Variants in PPFIA2 observed in about 807,000 individuals in gnomAD.
The protein encoded by PPFIA2 is liprin-alpha-2.
PPFIA2 carries 46 observed loss-of-function variants against 175.5 expected under a neutral mutation model. The observed-to-expected ratio is 0.26, with a 90% CI of 0.21 to 0.34. The LOEUF is 0.34. Among genes scored for constraint, PPFIA2 ranks in the 10% least tolerant of loss-of-function variants. The probability of loss-of-function intolerance (pLI) is 1.00; values close to 1 mark genes in which losing one functional copy is unlikely to be tolerated. For synonymous variants in PPFIA2, 568 were observed against 511.4 expected (o/e 1.11, Z -1.49); for missense variants, 1,179 against 1,506.1 (o/e 0.78, Z 3.60).
At chr12:81,636,555 G>A (rs1422412003) in intron 4 of PPFIA2, among the ~76,000 whole-genome samples, 2 of 148,640 alleles carry the variant, frequency 1.3e-5, no homozygotes, top group East Asian at 4.1e-4. Context: ...GTGAGCCACC[G>A]CGCCCGGCCA....
chr12:81,699,296 T>C (rs2076235293), intron 3 of PPFIA2, among the ~76,000 whole-genome samples: 2 of 152,002 alleles, frequency 1.3e-5, no homozygotes, highest in South Asian at 4.1e-4. Flanking sequence ...GACTTTACTC[T>C]GGTAAACATT....
chr12:81,321,140 A>T (rs1008680144), intron 22 of PPFIA2, among the ~76,000 whole-genome samples: 1 of 152,052 alleles, frequency 6.6e-6, no homozygotes, highest in African/African-American at 2.4e-5. Context: ...CATAACTAGA[A>T]GCAAGAAGAG....
chr12:81,714,530 C>T (rs1464036887), intron 3 of PPFIA2, among the ~76,000 whole-genome samples: 2 of 150,962 alleles, frequency 1.3e-5, no homozygotes, highest in Middle Eastern at 3.2e-3. Flanking sequence ...AATAAAACAT[C>T]TAGGGTTGCC....
intron 3 of PPFIA2, among the ~76,000 whole-genome samples, chr12:81,701,345 A>C (rs558352247): frequency 2.0e-5 from 3 of 152,302 alleles, no homozygotes; most frequent in African/African-American, 7.2e-5. Flanking sequence ...GGCTGGGGTC[A>C]AACTGATTCA....
At chr12:81,308,825 G>T (rs144241232) in intron 22 of PPFIA2, among the ~76,000 whole-genome samples, 224 of 152,178 alleles carry the variant, frequency 1.5e-3, no homozygotes, top group Non-Finnish European at 1.3e-3. Flanking sequence ...TAGTTTAAAT[G>T]AATGAGATAG....
intron 8 of PPFIA2, among the ~76,000 whole-genome samples, chr12:81,387,828 C>T (rs1156427976): frequency 6.6e-6 from 1 of 152,078 alleles, no homozygotes; most frequent in Non-Finnish European, 1.5e-5. Flanking sequence ...ATAAACTGGC[C>T]TTTCTGAGTT....
chr12:81,476,280 G>C (rs762795200), intron 4 of PPFIA2, among the ~76,000 whole-genome samples: 1 of 152,134 alleles, frequency 6.6e-6, no homozygotes, highest in Non-Finnish European at 1.5e-5. Flanking sequence ...GTTGCATTTA[G>C]TCTAGGTTTT....
intron 3 of PPFIA2, among the ~76,000 whole-genome samples, chr12:81,738,326 AC>A (rs1335014698): frequency 6.6e-6 from 1 of 151,948 alleles, no homozygotes; most frequent in Admixed American, 6.6e-5. Context: ...CAGAAAAATT[AC>A]TCATCTGCAG....
intron 18 of PPFIA2, among the ~76,000 whole-genome samples, chr12:81,345,762 T>C (rs879857219): frequency 4.6e-5 from 7 of 152,186 alleles, no homozygotes; most frequent in Non-Finnish European, 7.4e-5. Context: ...GCATATCTTA[T>C]ATAGGCAGAA....
intron 4 of PPFIA2, among the ~76,000 whole-genome samples, chr12:81,657,877 A>AC (rs921834136): frequency 1.3e-5 from 2 of 151,914 alleles, no homozygotes; most frequent in African/African-American, 2.4e-5. Context: ...AATAAAAATA[A>AC]CCCCCCCAAC....
rs573731413 is a variant in PPFIA2, at chr12:81,318,734, A to T, written c.2642+7043T>A. Reference sequence around the variant, plus strand: ...CTTTAGCTGGGAGAATGTCTTGTAAATAAGAACATTAGGGTGCCTTTGAGT... The same window carrying T: ...CTTTAGCTGGGAGAATGTCTTGTAATTAAGAACATTAGGGTGCCTTTGAGT... On this transcript the variant is annotated intron_variant, in intron 22 of 32. Transcript: ENST00000549396. Among the ~76,000 whole-genome samples the T allele has an allele frequency of 2.0e-5, 3 of 151,834 alleles. No individual in the cohort carries two copies. The South Asian group carries it at 6.2e-4, about 31-fold the overall frequency.
At chr12:81,652,051 G>A (rs1221671271) in intron 4 of PPFIA2, among the ~76,000 whole-genome samples, 1 of 151,238 alleles carries the variant, frequency 6.6e-6, no homozygotes, top group African/African-American at 2.4e-5. Context: ...GTAAAGTAAG[G>A]TATACAGTTA....
chr12:81,697,335 AAAAACTTATT>A (rs1305385996), intron 3 of PPFIA2, among the ~76,000 whole-genome samples: 1 of 152,092 alleles, frequency 6.6e-6, no homozygotes, highest in Non-Finnish European at 1.5e-5. Flanking sequence ...TACATTATTT[AAAAACTTATT>A]TAGAGACTAA....
In PPFIA2 at chr12:81,362,736, A is replaced by G. The variant is rs770703735; in HGVS notation, c.1594T>C (p.Leu532=). 30 of 1,547,420 alleles carry G rather than the reference A, an allele frequency of 1.9e-5. 1 individual carries two copies. In the South Asian group the frequency reaches 3.2e-4, roughly 17 times the overall value. The change falls in exon 15 of 33, where the codon TTG becomes CTG. Residue 532 remains leucine (L), a synonymous_variant. Coordinates refer to ENST00000549396, the MANE Select transcript of PPFIA2 (RefSeq NM_003625.5). ...IEKLRSELDQ[L]KMRTGSLIEP... ...ATTAAAGAGCCAGTTCTCATTTTCA[A>G]TTGGTCAAGTTCAGATCTCAGCTTT...
chr12:81,333,654 G>A (rs1331604592), intron 21 of PPFIA2, among the ~76,000 whole-genome samples: 1 of 151,902 alleles, frequency 6.6e-6, no homozygotes, highest in Non-Finnish European at 1.5e-5. Flanking sequence ...TTGCTTCCAA[G>A]AACTATACTT....
intron 11 of PPFIA2, among the ~76,000 whole-genome samples, chr12:81,371,517 A>C (rs2141563935): frequency 6.6e-6 from 1 of 151,840 alleles, no homozygotes; most frequent in African/African-American, 2.4e-5. Flanking sequence ...GAGGTCTTTA[A>C]AACTTCTAGT....
At chr12:81,584,689 C>T (rs1388103894) in intron 4 of PPFIA2, among the ~76,000 whole-genome samples, 1 of 149,206 alleles carries the variant, frequency 6.7e-6, no homozygotes, top group Non-Finnish European at 1.5e-5. Context: ...GTAGTGATTA[C>T]TGTAGGCATT....
At chr12:81,398,067 A>G (rs1330317686) in intron 8 of PPFIA2, among the ~76,000 whole-genome samples, 1 of 152,044 alleles carries the variant, frequency 6.6e-6, no homozygotes, top group Non-Finnish European at 1.5e-5. Flanking sequence ...AATAATTTAA[A>G]TAAAGTGCAA....
intron 4 of PPFIA2, among the ~76,000 whole-genome samples, chr12:81,574,483 G>T (rs1335738397): frequency 1.3e-5 from 2 of 151,668 alleles, no homozygotes; most frequent in Non-Finnish European, 2.9e-5. Flanking sequence ...CAGAAGAGGT[G>T]ATCCTTATTT....
Sources: gnomAD v4.1 joint callset for allele counts (sites outside exome capture counted in the v4.1 genomes callset) on GRCh38, gnomAD v4.1.1 for gene constraint, MANE v1.5 for transcripts, NCBI Gene and HGNC (gene_info 2026-07-23, HGNC 2026-07-21) for gene names.